The following AP1G1 variants were observed in gnomAD, a reference collection of about 807,000 sequenced individuals.
AP1G1 encodes adaptor related protein complex 1 subunit gamma 1.
In AP1G1, 7 loss-of-function variants were observed where a neutral mutation model predicts 108.3. The ratio of observed to expected loss-of-function variants is 0.06; its 90% CI spans 0.04 to 0.12. The LOEUF is 0.12. Ranked by LOEUF, AP1G1 falls within the 10% of genes least tolerant of loss-of-function variation. The pLI, the probability that AP1G1 is intolerant of heterozygous loss-of-function variation, is 1.00. For synonymous variants in AP1G1, 379 were observed against 353.5 expected, an observed-to-expected ratio of 1.07 and a Z score of -0.81; for missense variants, 756 against 1,010.7, an observed-to-expected ratio of 0.75 and a Z score of 3.42.
At chr16:71,806,594 T>TA in intron 1 of AP1G1, 1 of 780,944 alleles carries the variant, frequency 1.3e-6, no homozygotes, top group Admixed American at 3.5e-5. Context: ...CTGAGTTAAC[T>TA]AACATCTATG....
At chr16:71,759,051 T>TA in intron 10 of AP1G1, 130 bp from the exon 11 acceptor site, 1 of 610,766 alleles carries the variant, frequency 1.6e-6, no homozygotes, top group East Asian at 3.1e-5. Context: ...AAAAGAAAGT[T>TA]AGTGAACATA....
chr16:71,779,995 G>GTTTT (rs573581952), intron 2 of AP1G1, among the ~76,000 whole-genome samples: 1 of 129,630 alleles, frequency 7.7e-6, no homozygotes, highest in Non-Finnish European at 1.7e-5. Flanking sequence ...GTTTTTTTTT[G>GTTTT]TTTTTTTTTT....
intron 2 of AP1G1, among the ~76,000 whole-genome samples, chr16:71,778,641 C>T (rs1176226063): frequency 6.7e-6 from 1 of 149,400 alleles, no homozygotes; most frequent in Non-Finnish European, 1.5e-5. Context: ...TGAGATCGCG[C>T]CACTGCCCTC....
intron 1 of AP1G1, among the ~76,000 whole-genome samples, chr16:71,799,948 C>T (rs992644068): frequency 1.3e-5 from 2 of 151,050 alleles, no homozygotes; most frequent in African/African-American, 2.4e-5. Context: ...TGGCTGGGTG[C>T]GGTGGCTCAC....
In AP1G1 at chr16:71,774,244, G is replaced by A. The variant is rs112622742; in HGVS notation, c.326+224C>T. ...AATACAAAAATTAGCCAGGCGTGGT[G>A]GCAGGTGCCTATAATCCCAGCTACG... On this transcript the variant is annotated intron_variant, in intron 3 of 22. Transcript: ENST00000299980. 1.3e-3 allele frequency: 621 copies of A among 466,750 alleles called. 7 individuals carry two copies. The highest frequency in any genetic ancestry group is 0.012 in the African/African-American group (568 of 48,400). The allele number at this position is 466,750 out of a possible 1,614,324, so 28.9% of individuals were successfully genotyped here.
At chr16:71,755,662 T>C (rs1331873735) in intron 12 of AP1G1, among the ~76,000 whole-genome samples, 4 of 152,084 alleles carry the variant, frequency 2.6e-5, no homozygotes, top group South Asian at 4.2e-4. Flanking sequence ...TGTTTTGTTT[T>C]TGAGATGGAG....
chr16:71,745,050 A>T, intron 19 of AP1G1, 94 bp downstream of exon 19: 1 of 1,428,208 alleles, frequency 7.0e-7, no homozygotes, highest in South Asian at 1.3e-5. Context: ...CCCATCTTCA[A>T]ATGATTCACG....
At chr16:71,736,111 A>AT (rs1300390480) in intron 21 of AP1G1, among the ~76,000 whole-genome samples, 3 of 77,290 alleles carry the variant, frequency 3.9e-5, no homozygotes, top group African/African-American at 1.7e-4. Flanking sequence ...AAAAAAAAAA[A>AT]AAAAAAATAT....
chr16:71,741,246 C>T (rs1302047404), intron 19 of AP1G1, among the ~76,000 whole-genome samples: 2 of 151,898 alleles, frequency 1.3e-5, no homozygotes, highest in Non-Finnish European at 2.9e-5. Context: ...AAGAAATTGA[C>T]AGCAAGAATG....
chr16:71,734,506 TCTAA>T (rs1251192892), intron 22 of AP1G1, 99 bp downstream of exon 22: 19 of 943,806 alleles, frequency 2.0e-5, no homozygotes, highest in Admixed American at 1.1e-4. Flanking sequence ...TGATCTCTTC[TCTAA>T]CTATGAGTCA....
At chr16:71,792,531 C>T (rs1192911652) in intron 1 of AP1G1, among the ~76,000 whole-genome samples, 5 of 152,124 alleles carry the variant, frequency 3.3e-5, no homozygotes, top group African/African-American at 9.7e-5. Context: ...AGGAACCAAG[C>T]ATTGGAAGTA....
rs911122725 is a variant in AP1G1 at position 71,808,780 on chromosome 16, T to A, written c.-21A>T. On this transcript the variant is annotated 5_prime_UTR_variant, in exon 1 of 23. Coordinates refer to ENST00000299980, the MANE Select transcript of AP1G1 (RefSeq NM_001128.6). ...ACACTCACCGGCCCGAAACCTCGAA[T>A]GAAACCAGCAGCTCCGGGGGCGGCG... 81 of 1,289,468 alleles carry A rather than the reference T, an allele frequency of 6.3e-5. No homozygotes were observed. Among genetic ancestry groups the A allele is most frequent in the Non-Finnish European group, 7.5e-5 (74 of 988,744 alleles). The allele number at this position is 1,289,468 out of a possible 1,614,324, so 79.9% of individuals were successfully genotyped here. A position where few individuals can be genotyped will look rare whatever the true frequency, so the allele number is the denominator to read the frequency against.
intron 1 of AP1G1, among the ~76,000 whole-genome samples, chr16:71,794,805 A>G (rs2032519388): frequency 7.2e-6 from 1 of 138,846 alleles, no homozygotes; most frequent in Non-Finnish European, 1.5e-5. Context: ...TTTCTCATAC[A>G]GCAATACCAT....
At position 71,802,411 on chromosome 16, in the gene AP1G1, C is replaced by T. The variant is rs542273307; in HGVS notation, c.-4+6352G>A. On this transcript the variant is annotated intron_variant, in intron 1 of 22. Transcript: ENST00000299980. ...GCTCCCAGGCAGCTAAGGCTACTGG[C>T]AAAGACACCACAACCCAGCTACTTT... is the stretch of plus-strand genomic sequence containing the variant. Among the ~76,000 whole-genome samples the T allele has an allele frequency of 2.6e-5, 4 of 152,198 alleles. No homozygotes were observed. In the South Asian group the frequency reaches 8.3e-4, roughly 32 times the overall value.
intron 2 of AP1G1, among the ~76,000 whole-genome samples, chr16:71,784,167 A>G (rs2032119799): frequency 6.6e-6 from 1 of 152,216 alleles, no homozygotes; most frequent in Admixed American, 6.5e-5. Context: ...AATGCATAAC[A>G]TGAGGCTTTT....
At chr16:71,805,343 G>A (rs2032961782) in intron 1 of AP1G1, among the ~76,000 whole-genome samples, 1 of 151,994 alleles carries the variant, frequency 6.6e-6, no homozygotes, top group Admixed American at 6.6e-5. Flanking sequence ...AGCTACTCGG[G>A]AGGCTGAGGC....
chr16:71,764,573 C>A lies in AP1G1; in HGVS notation c.819+73G>T, dbSNP rs571926736. On this transcript the variant is annotated intron_variant, in intron 8 of 22. Transcript: ENST00000299980. Reference sequence around the variant, plus strand: ...TGAGGAAACACAAATAAAAACTGCTCCATATAACCATAATCATTCTACTCC... The same window carrying A: ...TGAGGAAACACAAATAAAAACTGCTACATATAACCATAATCATTCTACTCC... The A allele has an allele frequency of 8.4e-5, 111 of 1,314,622 alleles. No individual in the cohort carries two copies. The East Asian group carries it at 1.8e-3, about 21-fold the overall frequency. The allele number at this position is 1,314,622 out of a possible 1,614,324, so 81.4% of individuals were successfully genotyped here. A position where few individuals can be genotyped will look rare whatever the true frequency, so the allele number is the denominator to read the frequency against.
intron 13 of AP1G1, among the ~76,000 whole-genome samples, chr16:71,752,729 T>C (rs1017910442): frequency 6.6e-6 from 1 of 152,224 alleles, no homozygotes; most frequent in African/African-American, 2.4e-5. Flanking sequence ...AGTAAAAAGA[T>C]GGCATCATCC....
intron 2 of AP1G1, chr16:71,777,711 G>T: frequency 2.2e-6 from 1 of 449,446 alleles, no homozygotes; most frequent in Non-Finnish European, 4.6e-6. Flanking sequence ...TCCTCTTCGG[G>T]CCCGTTCTCC....
Sources: gnomAD v4.1 joint callset for allele counts (sites outside exome capture counted in the v4.1 genomes callset) on GRCh38, gnomAD v4.1.1 for gene constraint, MANE v1.5 for transcripts, NCBI Gene and HGNC (gene_info 2026-07-23, HGNC 2026-07-21) for gene names.